ZFHX3: variants seen among roughly 807,000 people sequenced by gnomAD.
ZFHX3 encodes the protein zinc finger homeobox 3.
A neutral mutation model predicts 279.1 loss-of-function variants in ZFHX3; 42 were observed. The ratio of observed to expected loss-of-function variants is 0.15; its 90% CI spans 0.12 to 0.19. The LOEUF (loss-of-function observed/expected upper bound fraction) is 0.19. ZFHX3 is among the 10% of genes least tolerant of loss of function. The pLI, the probability that ZFHX3 is intolerant of heterozygous loss-of-function variation, is 1.00. For synonymous variants in ZFHX3, 2,293 were observed against 1,957.8 expected, an observed-to-expected ratio of 1.17 and a Z score of -4.52; for missense variants, 4,981 against 4,754.0, an observed-to-expected ratio of 1.05 and a Z score of -1.40.
At chr16:73,368,088 C>A (rs1251148361) in intron 3 of ZFHX3, among the ~76,000 whole-genome samples, 1 of 152,254 alleles carries the variant, frequency 6.6e-6, no homozygotes, top group Admixed American at 6.5e-5. Context: ...CCAGGCTGGT[C>A]TCAAACTCCT....
Position 72,797,280 on chromosome 16 carries a change from T to G in ZFHX3, c.5402A>C (p.Tyr1801Ser), listed in dbSNP as rs763102489. The change falls in exon 9 of 10, where the codon TAC (tyrosine) becomes TCC (serine). Residue 1801 changes from tyrosine to serine, a missense_variant. Coordinates refer to ENST00000268489, the MANE Select transcript of ZFHX3 (RefSeq NM_006885.4). ...QQQQHLLFPFYIPSAEFQLNP... is the reference protein window; with the variant it reads ...QQQQHLLFPFSIPSAEFQLNP... The stretch of plus-strand genomic sequence containing the variant: ...AAGCTGGAACTCAGCACTGGGGATG[T>G]AGAAAGGGAAGAGGAGGTGCTGCTG... 7 of 1,610,268 alleles carry G rather than the reference T, an allele frequency of 4.3e-6. No homozygotes were observed. In the African/African-American group the frequency reaches 8.0e-5, roughly 18 times the overall value.
intron 5 of ZFHX3, among the ~76,000 whole-genome samples, chr16:73,217,994 G>C (rs193000832): frequency 1.4e-4 from 22 of 152,244 alleles, no homozygotes; most frequent in African/African-American, 5.1e-4. Context: ...CATTTCTAGA[G>C]TATAGAAGCT....
At chr16:73,419,282 T>C (rs1319684616) in intron 3 of ZFHX3, among the ~76,000 whole-genome samples, 3 of 152,258 alleles carry the variant, frequency 2.0e-5, no homozygotes, top group African/African-American at 7.2e-5. Flanking sequence ...GAGGTAGCTA[T>C]TATTTATTGA....
chr16:73,650,787 G>A (rs2142165334), intron 2 of ZFHX3, among the ~76,000 whole-genome samples: 1 of 152,280 alleles, frequency 6.6e-6, no homozygotes, highest in Non-Finnish European at 1.5e-5. Context: ...TTTAACTCCT[G>A]TATGGAGGGA....
chr16:73,200,606 A>G (rs1968249866), intron 5 of ZFHX3, among the ~76,000 whole-genome samples: 1 of 152,222 alleles, frequency 6.6e-6, no homozygotes, highest in African/African-American at 2.4e-5. Context: ...CTGTTTACAC[A>G]GTATCATGTA....
chr16:73,668,388 G>A (rs776901050), intron 2 of ZFHX3, among the ~76,000 whole-genome samples: 10 of 151,958 alleles, frequency 6.6e-5, no homozygotes, highest in Non-Finnish European at 1.5e-4. Flanking sequence ...CATGGGCCAT[G>A]GTGGTTGGTT....
chr16:73,171,493 C>CGG (rs1055671748), intron 5 of ZFHX3, among the ~76,000 whole-genome samples: 18 of 9,470 alleles, frequency 1.9e-3, no homozygotes, highest in South Asian at 0.014. Context: ...CAGAAAATGG[C>CGG]GGGGGGGGCG....
chr16:73,683,850 T>C (rs2053051615), intron 1 of ZFHX3, among the ~76,000 whole-genome samples: 1 of 152,230 alleles, frequency 6.6e-6, no homozygotes, highest in African/African-American at 2.4e-5. Context: ...AGAATGTTAT[T>C]TGTTGTTCAG....
chr16:72,934,297 G>A (rs1404326378), intron 3 of ZFHX3, among the ~76,000 whole-genome samples: 4 of 151,926 alleles, frequency 2.6e-5, no homozygotes, highest in African/African-American at 4.8e-5. Flanking sequence ...GCCTGGTGGC[G>A]GGCGCCTGTA....
intron 1 of ZFHX3, among the ~76,000 whole-genome samples, chr16:73,036,712 C>A (rs1471916699): frequency 6.6e-6 from 1 of 151,762 alleles, no homozygotes; most frequent in Non-Finnish European, 1.5e-5. Flanking sequence ...CTCGGTCGGT[C>A]GCTAGGAGAA....
At chr16:73,323,343 T>C (rs117529770) in intron 3 of ZFHX3, among the ~76,000 whole-genome samples, 4,047 of 152,162 alleles carry the variant, frequency 0.027, 76 homozygotes, top group Middle Eastern at 0.054. Context: ...TCCAAAGCAG[T>C]TGGCAGGAAG....
intron 7 of ZFHX3, among the ~76,000 whole-genome samples, chr16:73,114,076 G>A (rs149513637): frequency 0.027 from 4,154 of 151,700 alleles, 99 homozygotes; most frequent in Admixed American, 0.064. Context: ...GATTACCGAC[G>A]TGAGCTGCTG....
chr16:73,187,144 T>TCACACAAACACA (rs139171590), intron 5 of ZFHX3, among the ~76,000 whole-genome samples: 21 of 147,078 alleles, frequency 1.4e-4, no homozygotes, highest in African/African-American at 5.4e-4. Context: ...GTTGTATGTC[T>TCACACAAACACA]CACACACACA....
intron 5 of ZFHX3, among the ~76,000 whole-genome samples, chr16:73,207,524 C>T (rs1323008144): frequency 6.6e-6 from 1 of 152,158 alleles, no homozygotes; most frequent in African/African-American, 2.4e-5. Flanking sequence ...AGCAGTACCC[C>T]TTGGGCCAGT....
intron 2 of ZFHX3, among the ~76,000 whole-genome samples, chr16:73,537,881 C>T (rs1357656338): frequency 6.6e-6 from 1 of 152,182 alleles, no homozygotes; most frequent in Non-Finnish European, 1.5e-5. Flanking sequence ...TATCAAGCCA[C>T]AAAGTAGTAT....
intron 1 of ZFHX3, among the ~76,000 whole-genome samples, chr16:73,715,562 CTTTTTTTTTTTTTTTT>C (rs949665075): frequency 1.6e-5 from 1 of 63,016 alleles, no homozygotes; most frequent in Admixed American, 1.7e-4. Flanking sequence ...CACAGCTGGT[CTTTTTTTTTTTTTTTT>C]TTTTTTTTTT....
intron 7 of ZFHX3, among the ~76,000 whole-genome samples, chr16:73,110,134 G>A (rs1223811149): frequency 6.6e-6 from 1 of 151,840 alleles, no homozygotes; most frequent in African/African-American, 2.4e-5. Flanking sequence ...AACCTGGGAG[G>A]TGGAGCTTGC....
At chr16:73,205,326 A>C (rs549438473) in intron 5 of ZFHX3, among the ~76,000 whole-genome samples, 1 of 152,354 alleles carries the variant, frequency 6.6e-6, no homozygotes, top group South Asian at 2.1e-4. Context: ...TTAGTCTTGC[A>C]GAAAGCTACT....
chr16:72,904,913 C>A (rs140148731), intron 3 of ZFHX3, among the ~76,000 whole-genome samples: 10,194 of 152,186 alleles, frequency 0.067, 374 homozygotes, highest in South Asian at 0.15. Flanking sequence ...CTCACTGCAA[C>A]CTCCATCTCC....
Sources: allele counts gnomAD v4.1 joint callset (sites outside exome capture counted in the v4.1 genomes callset), GRCh38; gene constraint gnomAD v4.1.1; transcripts MANE v1.5; gene names NCBI Gene and HGNC (gene_info 2026-07-23, HGNC 2026-07-21).